Variants in CPSF4L observed in about 807,000 individuals in gnomAD.
The protein encoded by CPSF4L is cleavage and polyadenylation specific factor 4 like, also known as putative cleavage and polyadenylation specificity factor subunit 4-like protein.
CPSF4L carries 18 observed loss-of-function variants against 24.0 expected under a neutral mutation model. The ratio of observed to expected loss-of-function variants is 0.75; its 90% CI spans 0.52 to 1.11. The LOEUF (loss-of-function observed/expected upper bound fraction) is 1.11, where lower values mean the gene tolerates loss of function less well. CPSF4L is among the 50% of genes least tolerant of loss of function. The probability of loss-of-function intolerance (pLI) is 0.00; values close to 1 mark genes in which losing one functional copy is unlikely to be tolerated. For synonymous variants in CPSF4L, 72 were observed against 77.2 expected, an observed-to-expected ratio of 0.93 and a Z score of 0.35; for missense variants, 211 against 221.8, an observed-to-expected ratio of 0.95 and a Z score of 0.31.
At chr17:73,247,228 C>T (rs2145262817), downstream of CPSF4L, 1 of 1,610,078 alleles carries the variant, frequency 6.2e-7, no homozygotes, top group Non-Finnish European at 8.5e-7. Context: ...TATTTACTAT[C>T]TGGCCTTTAC....
At chr17:73,256,995 C>A (rs1165604500) in intron 3 of CPSF4L, among the ~76,000 whole-genome samples, 2 of 152,066 alleles carry the variant, frequency 1.3e-5, no homozygotes, top group Admixed American at 6.6e-5. Flanking sequence ...CCACTGCACT[C>A]CAGCCTGGGG....
At chr17:73,252,273 G>T (rs774765438) in intron 5 of CPSF4L, among the ~76,000 whole-genome samples, 6 of 152,216 alleles carry the variant, frequency 3.9e-5, no homozygotes, top group Non-Finnish European at 7.3e-5. Context: ...CTCTGCGCCA[G>T]CCTGCTGCAG....
intron 5 of CPSF4L, among the ~76,000 whole-genome samples, chr17:73,250,447 A>G (rs1568330642): frequency 6.6e-6 from 1 of 152,328 alleles, no homozygotes. Flanking sequence ...CAGGCATTCA[A>G]GCCCAGCATC....
intron 5 of CPSF4L, chr17:73,250,015 G>C (rs551764613): frequency 2.3e-6 from 1 of 425,848 alleles, no homozygotes; most frequent in East Asian, 3.8e-5. Context: ...TGTACATTTT[G>C]CTCCCGTTTT....
chr17:73,244,426 G>C (rs1395616991), downstream of CPSF4L: 1 of 152,040 alleles, frequency 6.6e-6, no homozygotes, highest in Non-Finnish European at 1.5e-5. Flanking sequence ...AGCTGGGCGT[G>C]GTGGCGGGCG....
chr17:73,256,181 C>T (rs191095444), intron 3 of CPSF4L, among the ~76,000 whole-genome samples: 33 of 152,272 alleles, frequency 2.2e-4, no homozygotes, highest in African/African-American at 6.0e-4. Context: ...AAACAAACAC[C>T]GAGGGCTATT....
chr17:73,248,786 C>G, intron 5 of CPSF4L: 1 of 433,746 alleles, frequency 2.3e-6, no homozygotes, highest in Non-Finnish European at 4.1e-6. Context: ...TGAATAATAT[C>G]TGAAAGACTG....
At chr17:73,244,094 AG>A (rs2061901287), downstream of CPSF4L, among the ~76,000 whole-genome samples, 1 of 152,244 alleles carries the variant, frequency 6.6e-6, no homozygotes. Flanking sequence ...GCTTGCACTA[AG>A]TCTTAACCAG....
At chr17:73,259,231 G>A (rs2062035761) in intron 2 of CPSF4L, among the ~76,000 whole-genome samples, 1 of 152,040 alleles carries the variant, frequency 6.6e-6, no homozygotes, top group South Asian at 2.1e-4. Flanking sequence ...GTAGAGACAG[G>A]GCTTTGCCAT....
intron 2 of CPSF4L, among the ~76,000 whole-genome samples, chr17:73,259,395 A>G (rs1204678468): frequency 6.7e-6 from 1 of 149,192 alleles, no homozygotes; most frequent in Admixed American, 6.7e-5. Context: ...GGGTCTCGCT[A>G]TGTTGCCCAG....
downstream of CPSF4L, among the ~76,000 whole-genome samples, chr17:73,243,564 T>TC (rs971060953): frequency 1.1e-4 from 17 of 149,866 alleles, no homozygotes; most frequent in African/African-American, 2.5e-4. Context: ...TTTTTTTTTT[T>TC]CCCACCCAGG....
chr17:73,247,006 T>C (rs2061959645), downstream of CPSF4L, among the ~76,000 whole-genome samples: 1 of 152,128 alleles, frequency 6.6e-6, no homozygotes, highest in Non-Finnish European at 1.5e-5. Context: ...TAATACCCTC[T>C]TTCCCGGTCC....
At chr17:73,261,242 A>G (rs2062043716) in intron 1 of CPSF4L, among the ~76,000 whole-genome samples, 1 of 152,204 alleles carries the variant, frequency 6.6e-6, no homozygotes, top group Non-Finnish European at 1.5e-5. Context: ...GGCTTCTCTC[A>G]ATTCACCGTC....
chr17:73,245,475 AAGG>A (rs1279797298), downstream of CPSF4L: 2 of 1,103,718 alleles, frequency 1.8e-6, no homozygotes, highest in Admixed American at 4.9e-5. Context: ...GTTGTTATTC[AAGG>A]AGATGTGAAG....
intron 5 of CPSF4L, 102 bp downstream of exon 5, chr17:73,252,528 T>C: frequency 1.3e-6 from 1 of 765,442 alleles, no homozygotes; most frequent in Non-Finnish European, 2.3e-6. Flanking sequence ...TGCCAGATGC[T>C]TCATTTTCCA....
Position 73,254,043 on chromosome 17 carries a change from T to C in CPSF4L, c.308-17A>G. The C allele has an allele frequency of 6.5e-7, 1 of 1,540,964 alleles. No individual in the cohort carries two copies. Among genetic ancestry groups the C allele is most frequent in the East Asian group, 2.4e-5 (1 of 40,874 alleles). ...TGCAGTCACCTGAAAATCCCAGCAC[T>C]CTCTGTAGAAGCAGTTTCTCTTTGT... On this transcript the variant is annotated splice_polypyrimidine_tract_variant and intron_variant, in intron 3 of 5. Transcript: ENST00000344935.
At chr17:73,254,353 G>A (rs534762979) in intron 3 of CPSF4L, among the ~76,000 whole-genome samples, 47 of 152,328 alleles carry the variant, frequency 3.1e-4, no homozygotes, top group Middle Eastern at 3.4e-3. Context: ...GGCCTGCGAC[G>A]TTAAGTGGAG....
At chr17:73,245,637 G>T (rs961787773), downstream of CPSF4L, 1 of 985,222 alleles carries the variant, frequency 1.0e-6, no homozygotes, top group African/African-American at 1.7e-5. Flanking sequence ...CCCACATCAG[G>T]CCCTTCCCCT....
At chr17:73,254,072 C>G in intron 3 of CPSF4L, 46 bp from the exon 4 acceptor site, 1 of 1,437,646 alleles carries the variant, frequency 7.0e-7, no homozygotes, top group Non-Finnish European at 9.6e-7. Context: ...TCTTTGTGAT[C>G]ACTTCTGTGT....
Sources: gnomAD v4.1 joint callset for allele counts (sites outside exome capture counted in the v4.1 genomes callset) on GRCh38, gnomAD v4.1.1 for gene constraint, MANE v1.5 for transcripts, NCBI Gene and HGNC (gene_info 2026-07-23, HGNC 2026-07-21) for gene names.